The following ABCC5 variants were observed in gnomAD, a reference collection of about 807,000 sequenced individuals.
The protein encoded by ABCC5 is ATP binding cassette subfamily C member 5.
In ABCC5, 61 loss-of-function variants were observed where a neutral mutation model predicts 160.9. The ratio of observed to expected loss-of-function variants is 0.38; its 90% CI spans 0.31 to 0.47. The LOEUF is 0.47. Among genes scored for constraint, ABCC5 ranks in the 20% least tolerant of loss-of-function variants. The pLI is 0.99. For missense variants in ABCC5, 1,308 were observed against 1,813.3 expected, an observed-to-expected ratio of 0.72 and a Z score of 5.06; for synonymous variants, 666 against 700.6, an observed-to-expected ratio of 0.95 and a Z score of 0.78.
chr3:183,925,790 T>G, intron 28 of ABCC5, 71 bp from the exon 29 acceptor site: 3 of 1,459,228 alleles, frequency 2.1e-6, no homozygotes, highest in Non-Finnish European at 2.8e-6. Context: ...TAGATTTTAC[T>G]AAAATGTATT....
At chr3:184,007,720 G>T (rs1403329403) in intron 2 of ABCC5, among the ~76,000 whole-genome samples, 1 of 152,092 alleles carries the variant, frequency 6.6e-6, no homozygotes, top group Non-Finnish European at 1.5e-5. Flanking sequence ...CCAGCTACTT[G>T]GGAGACTGAG....
chr3:184,003,121 G>A (rs990674394), intron 2 of ABCC5, among the ~76,000 whole-genome samples: 1 of 151,982 alleles, frequency 6.6e-6, no homozygotes, highest in Non-Finnish European at 1.5e-5. Context: ...CCAGGCCCAC[G>A]CAGCCTTTAT....
At chr3:183,998,746 T>G (rs973099812) in intron 2 of ABCC5, among the ~76,000 whole-genome samples, 3 of 152,006 alleles carry the variant, frequency 2.0e-5, no homozygotes, top group Non-Finnish European at 4.4e-5. Flanking sequence ...CAGGTGTACC[T>G]CATAAATGGC....
At chr3:183,994,434 G>A (rs1720071229) in intron 2 of ABCC5, among the ~76,000 whole-genome samples, 1 of 151,852 alleles carries the variant, frequency 6.6e-6, no homozygotes, top group African/African-American at 2.4e-5. Context: ...GGTGTGCAGT[G>A]GTGCAATCTC....
intron 12 of ABCC5, 103 bp downstream of exon 12, chr3:183,967,591 AT>A: frequency 9.9e-7 from 1 of 1,007,994 alleles, no homozygotes; most frequent in Non-Finnish European, 1.6e-6. Flanking sequence ...CTGAGGGTTC[AT>A]TTGTTTCCAC....
At chr3:183,941,907 G>C (rs1430789388) in intron 25 of ABCC5, among the ~76,000 whole-genome samples, 1 of 151,844 alleles carries the variant, frequency 6.6e-6, no homozygotes. Context: ...CTGGGAGGTG[G>C]AGGTTACAGT....
At chr3:183,954,397 C>T (rs1443660485) in intron 17 of ABCC5, among the ~76,000 whole-genome samples, 4 of 152,166 alleles carry the variant, frequency 2.6e-5, no homozygotes, top group Non-Finnish European at 4.4e-5. Context: ...GATCTGCCTG[C>T]CTCAGCCTCC....
chr3:184,001,314 A>T, intron 2 of ABCC5: 1 of 450,502 alleles, frequency 2.2e-6, no homozygotes, highest in Admixed American at 3.7e-5. Flanking sequence ...CCCAATGCAA[A>T]GTATTATCTT....
At chr3:183,962,363 C>CT (rs201789386) in intron 15 of ABCC5, among the ~76,000 whole-genome samples, 7,254 of 152,116 alleles carry the variant, frequency 0.048, 267 homozygotes, top group East Asian at 0.17. Flanking sequence ...CGTAAGCCAG[C>CT]GACTGTCTCT....
rs1416991948 is a variant in ABCC5, at chr3:183,921,411, A to G, written c.4213-10T>C. 4 of 1,611,156 alleles carry G rather than the reference A, an allele frequency of 2.5e-6. No homozygotes were observed. Among genetic ancestry groups the G allele is most frequent in the African/African-American group, 1.3e-5 (1 of 74,806 alleles). ...TGTCAAACTCCACCACCTGCAAAAG[A>G]AGGAGACGCCGTCAGGACACAGCTC... On this transcript the variant is annotated splice_polypyrimidine_tract_variant and intron_variant, in intron 29 of 29. Transcript: ENST00000334444. The surrounding 1 kb of genome is among the most constrained non-coding windows in gnomAD (Gnocchi z 4.1).
At chr3:184,016,591 C>T (rs1722211431) in intron 1 of ABCC5, among the ~76,000 whole-genome samples, 1 of 152,208 alleles carries the variant, frequency 6.6e-6, no homozygotes. Context: ...CTTCTCGTGT[C>T]CTCCTTTAAA....
intron 2 of ABCC5, among the ~76,000 whole-genome samples, chr3:184,007,643 T>C (rs1721339875): frequency 1.3e-5 from 2 of 151,884 alleles, no homozygotes; most frequent in African/African-American, 4.8e-5. Context: ...CTGGCTAACA[T>C]GGTGAAACCC....
chr3:183,959,293 G>C (rs1716515686), intron 17 of ABCC5, among the ~76,000 whole-genome samples: 1 of 152,146 alleles, frequency 6.6e-6, no homozygotes, highest in African/African-American at 2.4e-5. Context: ...GTGCTATATT[G>C]TCAAGACAAA....
chr3:183,960,817 G>A (rs183454287), intron 16 of ABCC5, among the ~76,000 whole-genome samples: 3 of 150,818 alleles, frequency 2.0e-5, no homozygotes, highest in African/African-American at 4.9e-5. Context: ...ATGGAATCAC[G>A]CTCTGTCACC....
chr3:183,984,214 G>A lies in ABCC5; in HGVS notation c.592-1207C>T, dbSNP rs984167174. On this transcript the variant is annotated intron_variant, in intron 5 of 29. Transcript: ENST00000334444. ...GCTCGGGACAGAATAAAAAATCCTA[G>A]GCCTCAAGGAAAAACTGGTGGCATC... 47 of 985,572 alleles carry A rather than the reference G, an allele frequency of 4.8e-5. No individual in the cohort carries two copies. The African/African-American group carries it at 8.0e-4, about 17-fold the overall frequency. 61.1% of individuals were successfully genotyped at this position (985,572 alleles called of 1,614,324 possible).
At chr3:183,954,234 G>A (rs975161493) in intron 17 of ABCC5, among the ~76,000 whole-genome samples, 2 of 152,042 alleles carry the variant, frequency 1.3e-5, no homozygotes, top group Non-Finnish European at 2.9e-5. Flanking sequence ...TGCAACCTCC[G>A]CCTTCCCGGG....
intron 17 of ABCC5, among the ~76,000 whole-genome samples, chr3:183,955,793 C>T (rs1349984516): frequency 7.0e-6 from 1 of 143,064 alleles, no homozygotes; most frequent in Non-Finnish European, 1.5e-5. Flanking sequence ...CTGTTACATG[C>T]AGATCCATGT....
intron 26 of ABCC5, among the ~76,000 whole-genome samples, chr3:183,933,005 T>G (rs1713324609): frequency 6.6e-6 from 1 of 151,840 alleles, no homozygotes; most frequent in East Asian, 1.9e-4. Context: ...CCATCTCTAC[T>G]AAAAATACAG....
chr3:183,974,867 T>C (rs73884813), intron 10 of ABCC5, among the ~76,000 whole-genome samples: 12,178 of 152,210 alleles, frequency 0.08, 1,647 homozygotes, highest in African/African-American at 0.28. Flanking sequence ...TCTCCTGCCA[T>C]ATGCACTTGC....
Sources: allele counts gnomAD v4.1 joint callset (sites outside exome capture counted in the v4.1 genomes callset), GRCh38; gene constraint gnomAD v4.1.1; non-coding constraint Gnocchi (gnomAD v3.1); transcripts MANE v1.5; gene names NCBI Gene and HGNC (gene_info 2026-07-23, HGNC 2026-07-21).